Variants in DPYD observed in about 807,000 individuals in gnomAD.
DPYD encodes the protein dihydropyrimidine dehydrogenase.
In DPYD, 109 loss-of-function variants were observed where a neutral mutation model predicts 116.2. That is an observed-to-expected ratio of 0.94 (90% confidence interval 0.80 to 1.10). The LOEUF (loss-of-function observed/expected upper bound fraction) is 1.10, where lower values mean the gene tolerates loss of function less well. DPYD is among the 50% of genes least tolerant of loss of function. The pLI is 0.00. For missense variants in DPYD, 1,302 were observed against 1,254.5 expected (o/e 1.04, Z -0.57); for synonymous variants, 440 against 432.0 (o/e 1.02, Z -0.23).
chr1:97,424,786 G>T (rs1284415597), intron 14 of DPYD, among the ~76,000 whole-genome samples: 4 of 151,888 alleles, frequency 2.6e-5, no homozygotes, highest in African/African-American at 9.7e-5. Context: ...TTTTCTGAAT[G>T]CTGTCTTATT....
chr1:97,127,403 G>T (rs1425885659), intron 20 of DPYD, among the ~76,000 whole-genome samples: 1 of 152,110 alleles, frequency 6.6e-6, no homozygotes, highest in Non-Finnish European at 1.5e-5. Context: ...AAGCTTCTGT[G>T]CAGAGTTGTA....
intron 8 of DPYD, among the ~76,000 whole-genome samples, chr1:97,622,295 C>T (rs1361418925): frequency 6.6e-6 from 1 of 151,932 alleles, no homozygotes; most frequent in South Asian, 2.1e-4. Flanking sequence ...ATTTAAATAA[C>T]CCTTTACCTC....
intron 21 of DPYD, among the ~76,000 whole-genome samples, chr1:97,089,940 CA>C (rs1459386909): frequency 1.3e-5 from 2 of 151,124 alleles, no homozygotes; most frequent in Admixed American, 1.3e-4. Context: ...TAACACTGGG[CA>C]TAACCATGCT....
intron 3 of DPYD, among the ~76,000 whole-genome samples, chr1:97,751,610 A>T (rs1664930592): frequency 6.7e-6 from 1 of 150,212 alleles, no homozygotes; most frequent in African/African-American, 2.5e-5. Flanking sequence ...CCAAAAAACA[A>T]CAAAAATGAA....
intron 1 of DPYD, among the ~76,000 whole-genome samples, chr1:97,885,982 G>A (rs906466234): frequency 2.0e-5 from 3 of 151,948 alleles, no homozygotes; most frequent in African/African-American, 7.2e-5. Flanking sequence ...GGTAGAGTAA[G>A]GACCTCTGCA....
intron 2 of DPYD, among the ~76,000 whole-genome samples, chr1:97,875,971 G>C (rs1374028600): frequency 6.6e-6 from 1 of 151,918 alleles, no homozygotes; most frequent in Non-Finnish European, 1.5e-5. Flanking sequence ...AGAACTAGTT[G>C]AATACGGGGT....
At chr1:97,183,623 T>C (rs1404894734) in intron 20 of DPYD, among the ~76,000 whole-genome samples, 1 of 152,146 alleles carries the variant, frequency 6.6e-6, no homozygotes, top group Non-Finnish European at 1.5e-5. Context: ...AATTTTAGCA[T>C]AGCTTGCCAA....
At position 97,712,635 on chromosome 1, in the gene DPYD, C is replaced by A. The variant is rs186966014; in HGVS notation, c.483+8875G>T. On this transcript the variant is annotated intron_variant, in intron 5 of 22. Coordinates refer to ENST00000370192, the MANE Select transcript of DPYD (RefSeq NM_000110.4). Reference sequence around the variant, plus strand: ...TTTTATTCTCTTTCGGGGCACTCCCCCTATGGCTTTGTATCAGGTGTGTGT... The same window carrying A: ...TTTTATTCTCTTTCGGGGCACTCCCACTATGGCTTTGTATCAGGTGTGTGT... Among the ~76,000 whole-genome samples the A allele has an allele frequency of 2.7e-3, 418 of 152,092 alleles. 2 individuals are homozygous for A. The highest frequency in any genetic ancestry group is 9.4e-3 in the African/African-American group (392 of 41,508).
At chr1:97,379,876 CT>C (rs1671847113) in intron 15 of DPYD, among the ~76,000 whole-genome samples, 1 of 152,166 alleles carries the variant, frequency 6.6e-6, no homozygotes, top group African/African-American at 2.4e-5. Flanking sequence ...ATTCTATCAT[CT>C]TGTGAAATGA....
rs1558029729 is a variant in DPYD, at chr1:97,323,352, ATATGTACACGTATGTATACAT to A, written c.2059-17076_2059-17056del. Among the ~76,000 whole-genome samples, 95 of 118,030 alleles carry A rather than the reference ATATGTACACGTATGTATACAT, an allele frequency of 8.0e-4. 5 individuals carry two copies. Among genetic ancestry groups the A allele is most frequent in the South Asian group, 3.7e-3 (13 of 3,534 alleles). 77.4% of individuals were successfully genotyped at this position (118,030 alleles called of 152,430 possible). On this transcript the variant is annotated intron_variant, in intron 16 of 22. Coordinates refer to ENST00000370192, the MANE Select transcript of DPYD (RefSeq NM_000110.4). ...TATGTACACGTATATATACATGTGT[ATATGTACACGTATGTATACAT>A]GTGTATATGTACACGTATGTATACA...
At chr1:97,197,525 A>G (rs964314587) in intron 19 of DPYD, among the ~76,000 whole-genome samples, 1 of 152,174 alleles carries the variant, frequency 6.6e-6, no homozygotes, top group South Asian at 2.1e-4. Context: ...ACTGCAAGGG[A>G]TGAACAGTAA....
chr1:97,392,002 G>A (rs1027735549), intron 14 of DPYD, among the ~76,000 whole-genome samples: 1 of 152,008 alleles, frequency 6.6e-6, no homozygotes, highest in Non-Finnish European at 1.5e-5. Flanking sequence ...AAGATAAAAT[G>A]AGAGCAAAAG....
chr1:97,413,457 C>T (rs188113379), intron 14 of DPYD, among the ~76,000 whole-genome samples: 24 of 152,000 alleles, frequency 1.6e-4, no homozygotes, highest in African/African-American at 4.3e-4. Context: ...AAGAGTTTTT[C>T]GTTGTTTTTT....
intron 2 of DPYD, among the ~76,000 whole-genome samples, chr1:97,847,102 T>C (rs918030553): frequency 1.3e-5 from 2 of 152,172 alleles, no homozygotes. Flanking sequence ...AACTGGACTA[T>C]GTGAATTTAG....
chr1:97,451,381 T>C (rs1676404019), intron 13 of DPYD, among the ~76,000 whole-genome samples: 1 of 152,216 alleles, frequency 6.6e-6, no homozygotes. Context: ...TTCTTCACAT[T>C]GCATGTTAAT....
chr1:97,443,146 A>C, intron 14 of DPYD, among the ~76,000 whole-genome samples: 1 of 152,322 alleles, frequency 6.6e-6, no homozygotes, highest in South Asian at 2.1e-4. Flanking sequence ...ACAACTCTAG[A>C]AAAACAGAAT....
At chr1:97,333,362 T>A (rs1318998450) in intron 16 of DPYD, among the ~76,000 whole-genome samples, 2 of 152,078 alleles carry the variant, frequency 1.3e-5, no homozygotes, top group Non-Finnish European at 2.9e-5. Flanking sequence ...GGTCTATTCC[T>A]GTAGTCTCTG....
At chr1:97,582,028 T>C (rs968426112) in intron 10 of DPYD, among the ~76,000 whole-genome samples, 1 of 152,188 alleles carries the variant, frequency 6.6e-6, no homozygotes, top group African/African-American at 2.4e-5. Flanking sequence ...TCCTTACCAA[T>C]GGAATGCTTT....
chr1:97,350,946 T>G (rs540600920), intron 16 of DPYD, among the ~76,000 whole-genome samples: 20 of 152,238 alleles, frequency 1.3e-4, no homozygotes, highest in Non-Finnish European at 1.9e-4. Context: ...GGTGAACTTA[T>G]AGAAAAGCCA....
Sources: allele counts gnomAD v4.1 joint callset (sites outside exome capture counted in the v4.1 genomes callset), GRCh38; gene constraint gnomAD v4.1.1; transcripts MANE v1.5; gene names NCBI Gene and HGNC (gene_info 2026-07-23, HGNC 2026-07-21).